Variants in APCDD1L observed in about 807,000 individuals in gnomAD.
APCDD1L encodes the protein protein APCDD1-like.
APCDD1L carries 21 observed loss-of-function variants against 24.2 expected under a neutral mutation model. The observed-to-expected ratio is 0.87, with a 90% CI of 0.61 to 1.25. APCDD1L has a LOEUF of 1.25. Ranked by LOEUF, APCDD1L falls within the 50% of genes most tolerant of loss-of-function variation. APCDD1L has a pLI of 0.00. For synonymous variants in APCDD1L, 321 were observed against 323.6 expected (o/e 0.99, Z 0.09); for missense variants, 704 against 711.7 (o/e 0.99, Z 0.12).
intron 1 of APCDD1L, among the ~76,000 whole-genome samples, chr20:58,491,662 T>C (rs894804342): frequency 1.3e-5 from 2 of 152,204 alleles, no homozygotes; most frequent in African/African-American, 4.8e-5. Flanking sequence ...TACAAACTGG[T>C]TCACAGGTAT....
intron 1 of APCDD1L, among the ~76,000 whole-genome samples, chr20:58,474,197 C>T (rs917796394): frequency 4.6e-5 from 7 of 152,300 alleles, no homozygotes; most frequent in South Asian, 2.1e-4. Context: ...ACAGCGGCAG[C>T]GTGTCAGTAC....
chr20:58,473,717 T>C (rs1192750403), intron 1 of APCDD1L, among the ~76,000 whole-genome samples: 2 of 152,330 alleles, frequency 1.3e-5, no homozygotes, highest in African/African-American at 2.4e-5. Context: ...TAGACGGAGT[T>C]AAATGCATGG....
At position 58,467,126 on chromosome 20, in the gene APCDD1L, G is replaced by T; in HGVS notation, c.721C>A (p.Arg241Ser). 1 of 1,607,248 alleles carries T rather than the reference G, an allele frequency of 6.2e-7. No individual in the cohort carries two copies. Residue 241 changes from arginine to serine, a missense_variant, in exon 3 of 4, where the codon CGC becomes AGC. Arg to Ser is a moderately radical substitution (Grantham distance 110, BLOSUM62 -1). Coordinates refer to ENST00000371149, the MANE Select transcript of APCDD1L (RefSeq NM_153360.3). This position sits in a 1 kb window ranked among gnomAD's most constrained non-coding sequence, Gnocchi z 5.9. ...CTCACCAGTGCGCTCTGCAGCGGGC[G>T]CTGGTAGCCCGTGGGCCGGTAGTGC... ...RRHYRPTGYQ[R>S]PLQSALHHVQ...
rs1414739296 is a variant in APCDD1L, at chr20:58,467,413, A to C, written c.434T>G (p.Val145Gly). The change falls in exon 3 of 4, where the codon GTC (valine) becomes GGC (glycine). Residue 145 changes from valine to glycine, a missense_variant. Physicochemically the swap from Val to Gly is moderately radical, Grantham distance 109. Coordinates refer to ENST00000371149, the MANE Select transcript of APCDD1L (RefSeq NM_153360.3). The surrounding 1 kb of genome is among the most constrained non-coding windows in gnomAD (Gnocchi z 5.9). ...VFHSRRALVD[V>G]TGRLNQTRAG... is the part of the protein sequence containing the mutation. Reference sequence around the variant, plus strand: ...GCGGGTCTGGTTGAGGCGCCCGGTGACGTCGACCAGGGCCCGGCGGCTGTG... The same window carrying C: ...GCGGGTCTGGTTGAGGCGCCCGGTGCCGTCGACCAGGGCCCGGCGGCTGTG... The C allele has an allele frequency of 1.3e-6, 2 of 1,547,732 alleles. No homozygotes were observed. Among genetic ancestry groups the C allele is most frequent in the Admixed American group, 3.9e-5 (2 of 50,700 alleles).
intron 1 of APCDD1L, among the ~76,000 whole-genome samples, chr20:58,495,871 C>T (rs1325178520): frequency 3.3e-5 from 5 of 152,126 alleles, no homozygotes; most frequent in African/African-American, 4.8e-5. Context: ...GGGCCATCAG[C>T]GGAGTGGGAC....
chr20:58,474,533 G>C (rs1231176192), intron 1 of APCDD1L, among the ~76,000 whole-genome samples: 3 of 152,080 alleles, frequency 2.0e-5, no homozygotes, highest in Non-Finnish European at 4.4e-5. Flanking sequence ...GTGAAACCCT[G>C]TTTATACTAA....
At chr20:58,514,588 G>T in intron 1 of APCDD1L, 71 bp downstream of exon 1, 1 of 1,264,990 alleles carries the variant, frequency 7.9e-7, no homozygotes. Context: ...GGCCCTTAGG[G>T]GACATTAGAC....
At chr20:58,465,333 A>AG (rs146990822) in intron 3 of APCDD1L, among the ~76,000 whole-genome samples, 9,138 of 150,634 alleles carry the variant, frequency 0.061, 427 homozygotes, top group Non-Finnish European at 0.091. Flanking sequence ...AGTTTGGAGG[A>AG]GGGGGTGGGG....
intron 1 of APCDD1L, among the ~76,000 whole-genome samples, chr20:58,479,810 T>TGGCCCTGGCTGCGTGGC (rs1989990792): frequency 6.6e-6 from 1 of 152,146 alleles, no homozygotes; most frequent in Non-Finnish European, 1.5e-5. Flanking sequence ...GCTGCGATGG[T>TGGCCCTGGCTGCGTGGC]GGCCCTGGCT....
At chr20:58,487,410 TAAA>T (rs11335260) in intron 1 of APCDD1L, among the ~76,000 whole-genome samples, 21 of 141,292 alleles carry the variant, frequency 1.5e-4, no homozygotes, top group Admixed American at 6.2e-4. Context: ...CCTTAAATAT[TAAA>T]AAAAAAAAAA....
intron 1 of APCDD1L, among the ~76,000 whole-genome samples, chr20:58,476,813 T>G (rs937686275): frequency 3.3e-5 from 5 of 152,238 alleles, no homozygotes; most frequent in Non-Finnish European, 5.9e-5. Context: ...GAGTCCCTAG[T>G]GCTGAAAGGG....
At chr20:58,471,764 G>A (rs899600801) in intron 1 of APCDD1L, among the ~76,000 whole-genome samples, 1 of 152,242 alleles carries the variant, frequency 6.6e-6, no homozygotes, top group Non-Finnish European at 1.5e-5. Context: ...AGTGAGCTGC[G>A]TCCAAATACT....
chr20:58,502,976 C>T (rs1444753987), intron 1 of APCDD1L, among the ~76,000 whole-genome samples: 1 of 152,184 alleles, frequency 6.6e-6, no homozygotes, highest in Non-Finnish European at 1.5e-5. Context: ...TCCTGGGTGG[C>T]AGTGGACGTG....
intron 1 of APCDD1L, among the ~76,000 whole-genome samples, chr20:58,471,345 G>A (rs1452126162): frequency 6.6e-6 from 1 of 152,246 alleles, no homozygotes; most frequent in Non-Finnish European, 1.5e-5. Flanking sequence ...GGTGCTCAGC[G>A]AGCGTGTGGC....
chr20:58,493,163 C>CAT (rs568508795), intron 1 of APCDD1L, among the ~76,000 whole-genome samples: 1 of 152,246 alleles, frequency 6.6e-6, no homozygotes, highest in Non-Finnish European at 1.5e-5. Context: ...CATGCACACA[C>CAT]ATATATATGC....
Position 58,460,622 on chromosome 20 carries a change from G to T in APCDD1L, c.*168C>A. 1 of 876,778 alleles carries T rather than the reference G, an allele frequency of 1.1e-6. No homozygotes were observed. The allele number at this position is 876,778 out of a possible 1,614,324, so 54.3% of individuals were successfully genotyped here. A position where few individuals can be genotyped will look rare whatever the true frequency, so the allele number is the denominator to read the frequency against. ...GTGGTATAGGCTTTGCAGGGGTTAAGCTCATGTCCTGAGCCACATGGGACA... is the reference window on the plus strand; with the variant it reads ...GTGGTATAGGCTTTGCAGGGGTTAATCTCATGTCCTGAGCCACATGGGACA... On this transcript the variant is annotated 3_prime_UTR_variant, in exon 4 of 4. Transcript: ENST00000371149. The surrounding 1 kb of genome is among the most constrained non-coding windows in gnomAD (Gnocchi z 4.2).
At chr20:58,509,628 C>T (rs1027420355) in intron 1 of APCDD1L, among the ~76,000 whole-genome samples, 1 of 152,156 alleles carries the variant, frequency 6.6e-6, no homozygotes, top group African/African-American at 2.4e-5. Context: ...ATCACTGTCA[C>T]TGTCATTATT....
At chr20:58,483,780 A>AATTC (rs535501041) in intron 1 of APCDD1L, among the ~76,000 whole-genome samples, 78 of 152,262 alleles carry the variant, frequency 5.1e-4, no homozygotes, top group African/African-American at 1.7e-3. Context: ...GTACCAATTC[A>AATTC]ATTCATGAGC....
intron 1 of APCDD1L, among the ~76,000 whole-genome samples, chr20:58,510,879 G>A (rs1990614239): frequency 6.6e-6 from 1 of 152,182 alleles, no homozygotes; most frequent in South Asian, 2.1e-4. Flanking sequence ...AGAAAATACA[G>A]CACCTGCCAA....
Sources: allele counts gnomAD v4.1 joint callset (sites outside exome capture counted in the v4.1 genomes callset), GRCh38; gene constraint gnomAD v4.1.1; non-coding constraint Gnocchi (gnomAD v3.1); transcripts MANE v1.5; gene names NCBI Gene and HGNC (gene_info 2026-07-23, HGNC 2026-07-21).